CABIN1: variants seen among roughly 807,000 people sequenced by gnomAD.
CABIN1 encodes the protein calcineurin binding protein 1, also known as calcineurin-binding protein cabin-1.
A neutral mutation model predicts 227.7 loss-of-function variants in CABIN1; 133 were observed. The ratio of observed to expected loss-of-function variants is 0.58; its 90% CI spans 0.51 to 0.67. The LOEUF (loss-of-function observed/expected upper bound fraction) is 0.67, where lower values mean the gene tolerates loss of function less well. Among genes scored for constraint, CABIN1 ranks in the 30% least tolerant of loss-of-function variants. The pLI is 0.00. For missense variants in CABIN1, 2,408 were observed against 2,852.5 expected, an observed-to-expected ratio of 0.84 and a Z score of 3.55; for synonymous variants, 1,086 against 1,155.1, an observed-to-expected ratio of 0.94 and a Z score of 1.21.
rs1482968537 is a variant in CABIN1 at position 24,168,456 on chromosome 22, G to A, written c.5692G>A (p.Glu1898Lys). ...TYMLIKQVDEEAALEQAVKFC... is the reference protein window; with the variant it reads ...TYMLIKQVDEKAALEQAVKFC... ...GCATCTCCCTGTTAAGGTGGATGAG[G>A]AGGCTGCGCTGGAGCAGGCTGTGAA... The change falls in exon 33 of 37, where the codon GAG becomes AAG. Residue 1898 changes from glutamate to lysine, a missense_variant. Physicochemically the swap from Glu to Lys is moderately conservative, Grantham distance 56. Transcript: ENST00000263119. 3 of 1,571,466 alleles carry A rather than the reference G, an allele frequency of 1.9e-6. No homozygotes were observed. The Admixed American group carries it at 5.5e-5, about 29-fold the overall frequency.
At chr22:24,137,811 A>G (rs1181538804) in intron 29 of CABIN1, among the ~76,000 whole-genome samples, 2 of 152,248 alleles carry the variant, frequency 1.3e-5, no homozygotes. Context: ...TAACGTGTTT[A>G]TGAAGGAGCA....
rs776555026 is a variant in CABIN1 at position 24,054,944 on chromosome 22, G to T, written c.878G>T (p.Ser293Ile). ...ACCACCTGTGAGCCCCCACGTCCCA[G>T]CCTTGGCAAAAGGATTGATTTGTCG... ...HLTTCEPPRP[S>I]LGKRIDLSDY... is the part of the protein sequence containing the mutation. Residue 293 changes from serine to isoleucine, a missense_variant, in exon 9 of 37, where the codon AGC becomes ATC. Coordinates refer to ENST00000263119, the MANE Select transcript of CABIN1 (RefSeq NM_012295.4). 1 of 1,614,224 alleles carries T rather than the reference G, an allele frequency of 6.2e-7. No individual in the cohort carries two copies. The highest frequency in any genetic ancestry group is 1.1e-5 in the South Asian group (1 of 91,088).
intron 33 of CABIN1, 93 bp downstream of exon 33, chr22:24,168,614 G>A (rs557006555): frequency 1.9e-6 from 2 of 1,047,156 alleles, no homozygotes; most frequent in East Asian, 2.6e-5. Context: ...ATCCACTCTT[G>A]GGACTGTTCT....
chr22:24,015,565 C>T (rs956520143), intron 1 of CABIN1, among the ~76,000 whole-genome samples: 1 of 151,528 alleles, frequency 6.6e-6, no homozygotes, highest in Non-Finnish European at 1.5e-5. Context: ...AGGATGGTCT[C>T]GATCTTCTGA....
At chr22:24,087,342 G>T in intron 22 of CABIN1, 110 bp from the exon 23 acceptor site, 1 of 1,415,240 alleles carries the variant, frequency 7.1e-7, no homozygotes, top group East Asian at 2.4e-5. Context: ...GAGCCCTGGT[G>T]TGGGAAGGGA....
At chr22:24,040,819 G>A (rs1190019853) in intron 4 of CABIN1, among the ~76,000 whole-genome samples, 3 of 152,198 alleles carry the variant, frequency 2.0e-5, no homozygotes, top group African/African-American at 7.2e-5. Flanking sequence ...TGCTGACTGG[G>A]TCTACCTATG....
intron 11 of CABIN1, 117 bp from the exon 12 acceptor site, chr22:24,059,806 TC>T: frequency 1.1e-6 from 1 of 895,910 alleles, no homozygotes. Context: ...TGGTATCATG[TC>T]CACCTGGATC....
chr22:24,011,877 G>C (rs1465842862), intron 1 of CABIN1: 1 of 152,224 alleles, frequency 6.6e-6, no homozygotes, highest in Non-Finnish European at 1.5e-5. Flanking sequence ...GCAAGAGGCG[G>C]GCCCTGGCCA....
intron 6 of CABIN1, among the ~76,000 whole-genome samples, chr22:24,044,030 C>T (rs940637577): frequency 6.6e-6 from 1 of 152,190 alleles, no homozygotes; most frequent in Non-Finnish European, 1.5e-5. Context: ...TTCTCTTTGA[C>T]CTGATGCTCC....
intron 16 of CABIN1, 29 bp downstream of exon 16, chr22:24,067,210 A>G: frequency 6.2e-7 from 1 of 1,608,996 alleles, no homozygotes; most frequent in Middle Eastern, 1.7e-4. Flanking sequence ...CCTCACACCC[A>G]CTTGCACCTT....
At chr22:24,092,114 T>G in intron 24 of CABIN1, 2 of 519,732 alleles carry the variant, frequency 3.8e-6, no homozygotes, top group Non-Finnish European at 7.0e-6. Flanking sequence ...TCTAAGAACC[T>G]GACCTTGGTG....
chr22:24,011,701 C>T (rs2034825370), intron 1 of CABIN1: 1 of 152,282 alleles, frequency 6.6e-6, no homozygotes, highest in African/African-American at 2.4e-5. Context: ...CGCGACCTTT[C>T]GCTTCACCTT....
At chr22:24,057,307 C>T (rs190794981) in intron 10 of CABIN1, among the ~76,000 whole-genome samples, 4 of 152,296 alleles carry the variant, frequency 2.6e-5, no homozygotes, top group Admixed American at 2.6e-4. Flanking sequence ...TCTGAGCCTT[C>T]CTGGAGTTTA....
In CABIN1 at chr22:24,087,730, G is replaced by A; in HGVS notation, c.3525+17G>A. On this transcript the variant is annotated intron_variant, in intron 23 of 36. Transcript: ENST00000263119. ...GTGCAGCAGGTGAGGAGGGGGTGCTGCAGATGGGCTTGCCATCCTTCTGTC... is the reference window on the plus strand; with the variant it reads ...GTGCAGCAGGTGAGGAGGGGGTGCTACAGATGGGCTTGCCATCCTTCTGTC... 1 of 1,613,034 alleles carries A rather than the reference G, an allele frequency of 6.2e-7. No individual in the cohort carries two copies. Among genetic ancestry groups the A allele is most frequent in the Non-Finnish European group, 8.5e-7 (1 of 1,180,032 alleles).
chr22:24,075,144 A>G (rs1018719704), intron 18 of CABIN1, among the ~76,000 whole-genome samples: 1 of 152,174 alleles, frequency 6.6e-6, no homozygotes, highest in African/African-American at 2.4e-5. Flanking sequence ...TGGAGGCTGC[A>G]TTGAGCTATG....
intron 2 of CABIN1, 101 bp downstream of exon 2, chr22:24,035,621 A>G (rs1207506381): frequency 7.0e-7 from 1 of 1,427,390 alleles, no homozygotes; most frequent in Non-Finnish European, 9.9e-7. Flanking sequence ...GAAGGCTCTT[A>G]TTATGGAGTA....
intron 29 of CABIN1, among the ~76,000 whole-genome samples, chr22:24,158,582 TG>T (rs1389700117): frequency 6.6e-6 from 1 of 152,180 alleles, no homozygotes; most frequent in Non-Finnish European, 1.5e-5. Context: ...CTGCGGGTGA[TG>T]GGGAAGACTC....
At position 24,041,341 on chromosome 22, in the gene CABIN1, G is replaced by A. The variant is rs976874811; in HGVS notation, c.345+68G>A. The A allele has an allele frequency of 2.6e-4, 420 of 1,596,846 alleles. No individual in the cohort carries two copies. In the African/African-American group the frequency reaches 2.9e-3, roughly 11 times the overall value. The stretch of plus-strand genomic sequence containing the variant: ...CTCTTGGTGGAGGGGATGAGGTTGC[G>A]GTCTTGTGGGCCAAAAAGAAGAGTT... On this transcript the variant is annotated intron_variant, in intron 5 of 36. Coordinates refer to ENST00000263119, the MANE Select transcript of CABIN1 (RefSeq NM_012295.4).
At chr22:24,047,443 C>T (rs1489004362) in intron 6 of CABIN1, among the ~76,000 whole-genome samples, 1 of 152,164 alleles carries the variant, frequency 6.6e-6, no homozygotes, top group Non-Finnish European at 1.5e-5. Flanking sequence ...TGCTCAGTGC[C>T]TTCTGGGTTT....
Sources: gnomAD v4.1 joint callset for allele counts (sites outside exome capture counted in the v4.1 genomes callset) on GRCh38, gnomAD v4.1.1 for gene constraint, MANE v1.5 for transcripts, NCBI Gene and HGNC (gene_info 2026-07-23, HGNC 2026-07-21) for gene names.